The following THSD7A variants were observed in gnomAD, a reference collection of about 807,000 sequenced individuals.
The protein encoded by THSD7A is thrombospondin type 1 domain containing 7A, also known as thrombospondin type-1 domain-containing protein 7A.
In THSD7A, 96 loss-of-function variants were observed where a neutral mutation model predicts 231.3. That is an observed-to-expected ratio of 0.41 (90% CI 0.35 to 0.49). The LOEUF (loss-of-function observed/expected upper bound fraction) is 0.49, where lower values mean the gene tolerates loss of function less well. Among genes scored for constraint, THSD7A ranks in the 20% least tolerant of loss-of-function variants. The pLI is 0.05. For missense variants in THSD7A, 2,290 were observed against 2,070.2 expected (o/e 1.11, Z -2.06); for synonymous variants, 940 against 743.3 (o/e 1.26, Z -4.30).
chr7:11,580,290 C>A (rs1256194559), intron 4 of THSD7A, among the ~76,000 whole-genome samples: 1 of 151,912 alleles, frequency 6.6e-6, no homozygotes, highest in African/African-American at 2.4e-5. Flanking sequence ...AGGATATATG[C>A]TTTAGAGAAA....
intron 4 of THSD7A, among the ~76,000 whole-genome samples, chr7:11,549,149 C>T (rs1025085293): frequency 6.6e-6 from 1 of 152,184 alleles, no homozygotes; most frequent in Non-Finnish European, 1.5e-5. Context: ...AAAAGTTTAA[C>T]ATCACTGATC....
intron 2 of THSD7A, among the ~76,000 whole-genome samples, chr7:11,617,304 G>T (rs935045735): frequency 6.6e-6 from 1 of 152,074 alleles, no homozygotes; most frequent in Non-Finnish European, 1.5e-5. Flanking sequence ...TTTTCTATTT[G>T]CTGCTCAGGT....
intron 6 of THSD7A, among the ~76,000 whole-genome samples, chr7:11,493,820 G>A (rs1377367655): frequency 3.3e-5 from 5 of 152,008 alleles, no homozygotes; most frequent in South Asian, 2.1e-4. Context: ...GAACAGAGAA[G>A]GTAATGAAGT....
intron 4 of THSD7A, among the ~76,000 whole-genome samples, chr7:11,558,816 G>T (rs1356504379): frequency 3.3e-5 from 5 of 152,100 alleles, no homozygotes; most frequent in Non-Finnish European, 2.9e-5. Context: ...TGGAACCTGT[G>T]AATGTGTTAT....
chr7:11,558,821 T>C (rs1291151086), intron 4 of THSD7A, among the ~76,000 whole-genome samples: 4 of 152,164 alleles, frequency 2.6e-5, no homozygotes, highest in Admixed American at 2.0e-4. Flanking sequence ...CCTGTGAATG[T>C]GTTATCTTAC....
intron 1 of THSD7A, among the ~76,000 whole-genome samples, chr7:11,731,737 T>C (rs962872556): frequency 4.0e-5 from 6 of 151,652 alleles, no homozygotes; most frequent in Admixed American, 6.6e-5. Context: ...GAAATCAAGG[T>C]ATAGACTAAA....
chr7:11,753,334 T>G (rs1026007626), intron 1 of THSD7A, among the ~76,000 whole-genome samples: 9 of 152,106 alleles, frequency 5.9e-5, no homozygotes, highest in Non-Finnish European at 5.9e-5. Context: ...GATTCTGAAG[T>G]CAAATTGTAA....
At position 11,821,018 on chromosome 7, in the gene THSD7A, A is replaced by G; in HGVS notation, c.190+10739T>C. The G allele has an allele frequency of 4.0e-6, 4 of 998,828 alleles. No individual in the cohort carries two copies. The Admixed American group carries it at 7.8e-5, about 19-fold the overall frequency. The allele number at this position is 998,828 out of a possible 1,614,324, so 61.9% of individuals were successfully genotyped here. A position where few individuals can be genotyped will look rare whatever the true frequency, so the allele number is the denominator to read the frequency against. ...TGTATTTTCCCTCAGCCTTGTAGCCAGGTTTTCTGGGACTTTTCATTTCAT... is the reference window on the plus strand; with the variant it reads ...TGTATTTTCCCTCAGCCTTGTAGCCGGGTTTTCTGGGACTTTTCATTTCAT... On this transcript the variant is annotated intron_variant, in intron 1 of 27. Transcript: ENST00000423059.
intron 7 of THSD7A, among the ~76,000 whole-genome samples, chr7:11,476,427 G>C (rs1424351363): frequency 6.6e-6 from 1 of 151,580 alleles, no homozygotes; most frequent in Non-Finnish European, 1.5e-5. Context: ...CCAGTTGCCA[G>C]TACTTGTGAT....
chr7:11,498,915 G>T (rs73284795), intron 6 of THSD7A, among the ~76,000 whole-genome samples: 3,933 of 152,136 alleles, frequency 0.026, 191 homozygotes, highest in African/African-American at 0.09. Flanking sequence ...CTGTTACATG[G>T]GTTCCCGTTC....
intron 4 of THSD7A, among the ~76,000 whole-genome samples, chr7:11,559,152 T>A (rs1789972855): frequency 6.6e-6 from 1 of 152,000 alleles, no homozygotes; most frequent in South Asian, 2.1e-4. Context: ...TCGAAGGAAC[T>A]GAATTCTGCC....
intron 1 of THSD7A, among the ~76,000 whole-genome samples, chr7:11,722,578 C>T (rs993164400): frequency 6.6e-5 from 10 of 151,930 alleles, no homozygotes; most frequent in Admixed American, 6.6e-4. Context: ...ATTTTATCCA[C>T]AACTGATCAG....
intron 23 of THSD7A, among the ~76,000 whole-genome samples, chr7:11,399,921 T>C (rs908449695): frequency 6.6e-6 from 1 of 152,006 alleles, no homozygotes; most frequent in African/African-American, 2.4e-5. Context: ...CAAATGTCCA[T>C]CAATGATAGA....
intron 24 of THSD7A, 160 bp from the exon 25 acceptor site, chr7:11,379,872 C>A (rs949133054): frequency 1.4e-6 from 1 of 732,614 alleles, no homozygotes; most frequent in South Asian, 1.7e-5. Context: ...CCTTGACCAC[C>A]TTATGTAGTG....
At chr7:11,389,598 C>A (rs7805599) in intron 23 of THSD7A, among the ~76,000 whole-genome samples, 6,680 of 151,908 alleles carry the variant, frequency 0.044, 508 homozygotes, top group African/African-American at 0.15. Context: ...TGTCTTTTAA[C>A]TGGGGGCATT....
chr7:11,659,211 C>T (rs1782827488), intron 1 of THSD7A, among the ~76,000 whole-genome samples: 1 of 151,652 alleles, frequency 6.6e-6, no homozygotes, highest in South Asian at 2.1e-4. Flanking sequence ...CTAAAAGGCA[C>T]TGGAGCAAAC....
At chr7:11,424,661 G>A (rs1209556458) in intron 16 of THSD7A, 35 bp downstream of exon 16, 1 of 1,612,170 alleles carries the variant, frequency 6.2e-7, no homozygotes, top group Admixed American at 1.7e-5. Flanking sequence ...ATAGTTTTGT[G>A]TCTTGCTTTT....
intron 6 of THSD7A, among the ~76,000 whole-genome samples, chr7:11,511,798 A>G (rs1451049241): frequency 3.9e-5 from 6 of 152,172 alleles, no homozygotes; most frequent in African/African-American, 2.4e-5. Context: ...ATGGATTAAA[A>G]ACTTAAATGT....
chr7:11,705,513 T>G (rs1584239055), intron 1 of THSD7A, among the ~76,000 whole-genome samples: 1 of 150,956 alleles, frequency 6.6e-6, no homozygotes, highest in Admixed American at 6.6e-5. Flanking sequence ...CTCTTCACTC[T>G]CCTTTCTGTC....
Sources: gnomAD v4.1 joint callset for allele counts (sites outside exome capture counted in the v4.1 genomes callset) on GRCh38, gnomAD v4.1.1 for gene constraint, MANE v1.5 for transcripts, NCBI Gene and HGNC (gene_info 2026-07-23, HGNC 2026-07-21) for gene names.